PLEKHA6: variants seen among roughly 807,000 people sequenced by gnomAD.
The protein encoded by PLEKHA6 is pleckstrin homology domain containing A6.
PLEKHA6 carries 60 observed loss-of-function variants against 116.7 expected under a neutral mutation model. That is an observed-to-expected ratio of 0.51 (90% confidence interval 0.42 to 0.64). PLEKHA6 has a LOEUF of 0.64. Among genes scored for constraint, PLEKHA6 ranks in the 30% least tolerant of loss-of-function variants. The pLI is 0.00. For missense variants in PLEKHA6, 1,338 were observed against 1,422.7 expected, an observed-to-expected ratio of 0.94 and a Z score of 0.96; for synonymous variants, 489 against 556.1, an observed-to-expected ratio of 0.88 and a Z score of 1.70.
rs956143430 is a variant in PLEKHA6 at position 204,259,590 on chromosome 1, C to T, written c.675G>A (p.Arg225=). The change falls in exon 8 of 23, where the codon AGG becomes AGA. Residue 225 remains arginine (R), a synonymous_variant. Coordinates refer to ENST00000272203, the MANE Select transcript of PLEKHA6 (RefSeq NM_014935.5). This position sits in a 1 kb window ranked among gnomAD's most constrained non-coding sequence, Gnocchi z 4.6. ...CCGGAGGCTCTTTCTTGACTTCTGG[C>T]CTCTCAGGCCTTCTCTCTGCCTTCT... is the stretch of plus-strand genomic sequence containing the variant. The part of the protein sequence containing the change: ...GCEKAERRPE[R]PEVKKEPPVK... The T allele has an allele frequency of 3.1e-6, 5 of 1,613,964 alleles. No individual in the cohort carries two copies. The highest frequency in any genetic ancestry group is 2.2e-5 in the East Asian group (1 of 44,886).
intron 6 of PLEKHA6, 92 bp downstream of exon 6, chr1:204,264,850 A>G: frequency 1.1e-6 from 1 of 942,438 alleles, no homozygotes; most frequent in South Asian, 1.3e-5. Context: ...GATTCCTTAG[A>G]GCGATGGCTC....
chr1:204,301,132 A>C, intron 1 of PLEKHA6: 1 of 416,112 alleles, frequency 2.4e-6, no homozygotes, highest in Non-Finnish European at 3.2e-6. Context: ...GTACCACTTT[A>C]CCATTCTAAA....
chr1:204,301,304 T>C (rs780885749), intron 1 of PLEKHA6: 17 of 960,194 alleles, frequency 1.8e-5, no homozygotes, highest in Non-Finnish European at 2.0e-5. Context: ...CTGGAGAGTC[T>C]CTGGGTTCCT....
intron 1 of PLEKHA6, among the ~76,000 whole-genome samples, chr1:204,292,272 T>A (rs965249868): frequency 3.9e-5 from 6 of 152,242 alleles, no homozygotes; most frequent in African/African-American, 9.6e-5. Flanking sequence ...TATGGTCTTA[T>A]GAGGTGGGCA....
intron 1 of PLEKHA6, among the ~76,000 whole-genome samples, chr1:204,349,288 C>G (rs1673191740): frequency 6.6e-6 from 1 of 152,296 alleles, no homozygotes; most frequent in African/African-American, 2.4e-5. Flanking sequence ...CCTATAATCC[C>G]AGCACTTTGG....
rs1558001614 is a variant in PLEKHA6, at chr1:204,222,019, GA to G, written c.*768del. The G allele has an allele frequency of 1.0e-4, 3 of 29,976 alleles. No individual in the cohort carries two copies. The highest frequency in any genetic ancestry group is 3.4e-4 in the African/African-American group (3 of 8,714). 1.9% of individuals were successfully genotyped at this position (29,976 alleles called of 1,614,324 possible). Reference sequence around the variant, plus strand: ...TGCTTCCCCCTCCTTCCACTCTGAGGATCTCTCTCTCTCTCTCTCTCTCTCT... The same window carrying G: ...TGCTTCCCCCTCCTTCCACTCTGAGGTCTCTCTCTCTCTCTCTCTCTCTCT... On this transcript the variant is annotated 3_prime_UTR_variant, in exon 23 of 23. Coordinates refer to ENST00000272203, the MANE Select transcript of PLEKHA6 (RefSeq NM_014935.5).
At chr1:204,371,182 A>G (rs930172188) in intron 2 of PLEKHA6, among the ~76,000 whole-genome samples, 3 of 152,174 alleles carry the variant, frequency 2.0e-5, no homozygotes, top group Admixed American at 6.5e-5. Flanking sequence ...CCATCACGAC[A>G]TAAAAGTTCT....
chr1:204,287,072 A>C (rs140411274), intron 1 of PLEKHA6, among the ~76,000 whole-genome samples: 2 of 152,124 alleles, frequency 1.3e-5, no homozygotes, highest in East Asian at 3.9e-4. Context: ...TTCCCACCTA[A>C]TAGGCTCTCC....
At chr1:204,286,968 A>G (rs1669254860) in intron 1 of PLEKHA6, among the ~76,000 whole-genome samples, 1 of 152,138 alleles carries the variant, frequency 6.6e-6, no homozygotes, top group Non-Finnish European at 1.5e-5. Context: ...TGGGCAGCCC[A>G]GCCAGAGGAA....
chr1:204,372,415 T>G (rs1673793249), intron 1 of PLEKHA6, among the ~76,000 whole-genome samples: 1 of 152,142 alleles, frequency 6.6e-6, no homozygotes, highest in South Asian at 2.1e-4. Flanking sequence ...CAGAGCCAGA[T>G]GTGATCCAGC....
rs1375247698 is a variant in PLEKHA6, at chr1:204,219,923, C to A, written c.*2865G>T. ...CTGATTTCACAGTCTGGATACCAGA[C>A]TGAGGTACCATGCCTTTGGTACAGC... On this transcript the variant is annotated 3_prime_UTR_variant, in exon 23 of 23. Transcript: ENST00000272203. 6.6e-6 allele frequency: 1 copy of A among 152,220 alleles called. No individual in the cohort carries two copies. Among genetic ancestry groups the A allele is most frequent in the Admixed American group, 6.5e-5 (1 of 15,280 alleles). The allele number at this position is 152,220 out of a possible 1,614,324, so 9.4% of individuals were successfully genotyped here. A position where few individuals can be genotyped will look rare whatever the true frequency, so the allele number is the denominator to read the frequency against.
intron 1 of PLEKHA6, among the ~76,000 whole-genome samples, chr1:204,330,809 T>C (rs1356651146): frequency 6.6e-6 from 1 of 152,194 alleles, no homozygotes; most frequent in Non-Finnish European, 1.5e-5. Context: ...GCACCCCTCC[T>C]TCCCTAGATC....
intron 1 of PLEKHA6, among the ~76,000 whole-genome samples, chr1:204,285,257 A>G (rs1279116289): frequency 6.6e-6 from 1 of 152,192 alleles, no homozygotes; most frequent in Non-Finnish European, 1.5e-5. Context: ...GTATCCTTCC[A>G]CCAGCTGATG....
intron 1 of PLEKHA6, among the ~76,000 whole-genome samples, chr1:204,316,444 G>A (rs1671863138): frequency 6.6e-6 from 1 of 152,182 alleles, no homozygotes; most frequent in Non-Finnish European, 1.5e-5. Context: ...CTTTCAATGG[G>A]TGAGTCCAGG....
At chr1:204,375,422 T>C (rs1673851321) in intron 1 of PLEKHA6, among the ~76,000 whole-genome samples, 1 of 152,166 alleles carries the variant, frequency 6.6e-6, no homozygotes, top group Non-Finnish European at 1.5e-5. Flanking sequence ...TTCCTCCCTT[T>C]GTCTCCCCTC....
chr1:204,229,859 A>G (rs985863782), intron 18 of PLEKHA6, among the ~76,000 whole-genome samples: 1 of 152,248 alleles, frequency 6.6e-6, no homozygotes, highest in Admixed American at 6.5e-5. Flanking sequence ...CTTGGGCTAC[A>G]TCCAGCTCTG....
chr1:204,267,572 G>A (rs867048215), intron 4 of PLEKHA6, 25 bp from the exon 5 acceptor site: 2 of 1,603,760 alleles, frequency 1.2e-6, no homozygotes, highest in Admixed American at 1.7e-5. Flanking sequence ...AGAGGCAGAT[G>A]TGAGGGCTGC....
At chr1:204,351,510 C>T (rs1019473807) in intron 1 of PLEKHA6, among the ~76,000 whole-genome samples, 4 of 152,178 alleles carry the variant, frequency 2.6e-5, no homozygotes, top group African/African-American at 9.7e-5. Context: ...ATGCAACATG[C>T]GTGTGTCAGC....
chr1:204,253,672 T>A (rs542059714), intron 9 of PLEKHA6, among the ~76,000 whole-genome samples: 15 of 151,448 alleles, frequency 9.9e-5, no homozygotes, highest in South Asian at 6.2e-4. Flanking sequence ...CAAAAAAAAA[T>A]TTTTTAATTA....
Sources: gnomAD v4.1 joint callset for allele counts (sites outside exome capture counted in the v4.1 genomes callset) on GRCh38, gnomAD v4.1.1 for gene constraint, Gnocchi (gnomAD v3.1) non-coding constraint, MANE v1.5 for transcripts, NCBI Gene and HGNC (gene_info 2026-07-23, HGNC 2026-07-21) for gene names.